Variants in UNC80 observed in about 807,000 individuals in gnomAD.
UNC80 encodes unc-80 subunit of NALCN channel complex, also known as protein unc-80 homolog.
Under a neutral mutation model 384.6 loss-of-function variants are expected in UNC80, and 164 were observed. The ratio of observed to expected loss-of-function variants is 0.43; its 90% CI spans 0.38 to 0.49. The LOEUF (loss-of-function observed/expected upper bound fraction) is 0.49. Ranked by LOEUF, UNC80 falls within the 20% of genes least tolerant of loss-of-function variation. UNC80 has a pLI of 0.00. For missense variants in UNC80, 3,330 were observed against 4,143.0 expected (o/e 0.80, Z 5.39); for synonymous variants, 1,486 against 1,527.8 (o/e 0.97, Z 0.64).
At chr2:209,906,927 C>G (rs147573530) in intron 29 of UNC80, among the ~76,000 whole-genome samples, 1 of 152,096 alleles carries the variant, frequency 6.6e-6, no homozygotes. Context: ...AATTATTGAT[C>G]ATTGTTCTCC....
At chr2:209,778,968 T>C (rs1438259643) in intron 4 of UNC80, among the ~76,000 whole-genome samples, 1 of 152,198 alleles carries the variant, frequency 6.6e-6, no homozygotes, top group East Asian at 1.9e-4. Context: ...CTCTGTCCAT[T>C]GCTAGGAGAA....
intron 4 of UNC80, among the ~76,000 whole-genome samples, chr2:209,779,637 T>C (rs911017263): frequency 1.3e-5 from 2 of 152,220 alleles, no homozygotes; most frequent in African/African-American, 2.4e-5. Context: ...ATAGTGTCTG[T>C]CATATATGAG....
chr2:209,954,805 A>G (rs1465926922), intron 48 of UNC80, among the ~76,000 whole-genome samples: 1 of 152,200 alleles, frequency 6.6e-6, no homozygotes, highest in Non-Finnish European at 1.5e-5. Context: ...TCTCTGTGGG[A>G]CAGGATTAAA....
intron 23 of UNC80, among the ~76,000 whole-genome samples, chr2:209,873,554 AG>A (rs1401344931): frequency 6.6e-6 from 1 of 152,214 alleles, no homozygotes; most frequent in Non-Finnish European, 1.5e-5. Context: ...AAACTTCTTT[AG>A]GAATTCTAAC....
Position 209,820,548 on chromosome 2 carries a change from G to A in UNC80, c.2200G>A (p.Val734Ile). The change falls in exon 13 of 65, where the codon GTT (valine) becomes ATT (isoleucine). Residue 734 changes from valine (V) to isoleucine (I), a missense_variant. Val to Ile is a conservative substitution (Grantham distance 29). This residue lies in a region of UNC80 where 937 missense variants were observed against 1,026.8 expected (regional missense o/e 0.91). Coordinates refer to ENST00000673920, the MANE Select transcript of UNC80 (RefSeq NM_001371986.1). ...CACCTGTGGATTCGGAGGCCCTGCT[G>A]TTAGTGGAGCTGGAGATGGTGGAGG... The part of the protein sequence containing the change: ...SSTCGFGGPA[V>I]SGAGDGGGEE... 1.9e-6 allele frequency: 3 copies of A among 1,551,586 alleles called. No individual in the cohort carries two copies. Among genetic ancestry groups the A allele is most frequent in the Non-Finnish European group, 1.7e-6 (2 of 1,146,976 alleles).
intron 31 of UNC80, among the ~76,000 whole-genome samples, chr2:209,915,179 C>T (rs372004063): frequency 6.0e-4 from 91 of 151,646 alleles, no homozygotes; most frequent in African/African-American, 2.1e-3. Context: ...CCGAGGCGGG[C>T]GGATCACGAG....
In UNC80 at chr2:209,976,094, A is replaced by G. The variant is rs898409479; in HGVS notation, c.8588-25A>G. On this transcript the variant is annotated intron_variant, in intron 56 of 64. Coordinates refer to ENST00000673920, the MANE Select transcript of UNC80 (RefSeq NM_001371986.1). This position sits in a 1 kb window ranked among gnomAD's most constrained non-coding sequence, Gnocchi z 4.3. ...CTCGGAAGCACACGTCCGCAGGCTC[A>G]TTTTTCTCTTTTCCCGGTGTGAAGC... 45 of 1,538,962 alleles carry G rather than the reference A, an allele frequency of 2.9e-5. No individual in the cohort carries two copies. The highest frequency in any genetic ancestry group is 3.9e-5 in the Non-Finnish European group (44 of 1,141,600).
At chr2:209,848,430 T>G (rs1480042931) in intron 21 of UNC80, among the ~76,000 whole-genome samples, 1 of 152,174 alleles carries the variant, frequency 6.6e-6, no homozygotes, top group Non-Finnish European at 1.5e-5. Context: ...TGATACTTTA[T>G]CTTCTGAGCC....
intron 22 of UNC80, among the ~76,000 whole-genome samples, chr2:209,868,332 A>G (rs1458376880): frequency 6.6e-6 from 1 of 152,186 alleles, no homozygotes; most frequent in Non-Finnish European, 1.5e-5. Flanking sequence ...GGGCCCACAT[A>G]AAATATTTAG....
chr2:209,866,529 C>CACAT (rs1553556971), intron 22 of UNC80, among the ~76,000 whole-genome samples: 12,875 of 125,066 alleles, frequency 0.1, 721 homozygotes, highest in Non-Finnish European at 0.13. Context: ...CACACACACA[C>CACAT]ACACAGAGAG....
intron 38 of UNC80, among the ~76,000 whole-genome samples, chr2:209,932,429 C>T (rs1023463918): frequency 3.3e-5 from 5 of 152,154 alleles, no homozygotes; most frequent in Admixed American, 2.0e-4. Context: ...ATTTACACTC[C>T]ATCCAGGCTG....
At chr2:209,891,222 T>C (rs1040157803) in intron 26 of UNC80, among the ~76,000 whole-genome samples, 1 of 152,150 alleles carries the variant, frequency 6.6e-6, no homozygotes, top group South Asian at 2.1e-4. Context: ...ACAACATTTT[T>C]AAAATACAGA....
At chr2:209,960,227 G>A (rs888286871) in intron 51 of UNC80, among the ~76,000 whole-genome samples, 8 of 152,092 alleles carry the variant, frequency 5.3e-5, no homozygotes, top group Admixed American at 3.3e-4. Context: ...CCTTCCAACC[G>A]TTAAAAAAAT....
intron 47 of UNC80, among the ~76,000 whole-genome samples, chr2:209,950,773 G>T (rs1350629427): frequency 2.6e-5 from 4 of 151,980 alleles, no homozygotes; most frequent in African/African-American, 9.7e-5. Context: ...GGTCAGGTTG[G>T]TCTTGAACTC....
chr2:209,991,805 G>A (rs1232001860), intron 61 of UNC80, among the ~76,000 whole-genome samples: 2 of 152,006 alleles, frequency 1.3e-5, no homozygotes, highest in African/African-American at 2.4e-5. Flanking sequence ...AGTTGTTTGT[G>A]TTTGTTTGTC....
At chr2:209,820,779 T>G (rs2080079209) in intron 13 of UNC80, 100 bp downstream of exon 13, 1 of 1,327,718 alleles carries the variant, frequency 7.5e-7, no homozygotes, top group East Asian at 2.5e-5. Context: ...CAGCACCTAG[T>G]CACTAGAGCA....
At chr2:209,805,306 T>C (rs2078824492) in intron 7 of UNC80, among the ~76,000 whole-genome samples, 1 of 152,256 alleles carries the variant, frequency 6.6e-6, no homozygotes, top group South Asian at 2.1e-4. Flanking sequence ...CCTTACTTCT[T>C]GTTAAGAAAC....
intron 15 of UNC80, 101 bp from the exon 16 acceptor site, chr2:209,831,342 A>G (rs942629900): frequency 8.9e-6 from 11 of 1,238,896 alleles, no homozygotes; most frequent in African/African-American, 4.6e-5. Context: ...TGTATTTCAC[A>G]TAGCACTTCA....
intron 22 of UNC80, among the ~76,000 whole-genome samples, chr2:209,865,468 G>A (rs761673074): frequency 7.8e-4 from 119 of 152,088 alleles, no homozygotes; most frequent in Non-Finnish European, 1.4e-3. Flanking sequence ...CAGGCGTTGT[G>A]GCGGACGCCT....
Sources: gnomAD v4.1 joint callset for allele counts (sites outside exome capture counted in the v4.1 genomes callset) on GRCh38, gnomAD v4.1.1 for gene constraint, gnomAD v4.1.1 regional missense constraint, Gnocchi (gnomAD v3.1) non-coding constraint, MANE v1.5 for transcripts, NCBI Gene and HGNC (gene_info 2026-07-23, HGNC 2026-07-21) for gene names.